ARHGEF19: variants seen among roughly 807,000 people sequenced by gnomAD.
The protein encoded by ARHGEF19 is Rho guanine nucleotide exchange factor (GEF) 19.
In ARHGEF19, 92 loss-of-function variants were observed where a neutral mutation model predicts 87.6. That is an observed-to-expected ratio of 1.05 (90% CI 0.89 to 1.25). ARHGEF19 has a LOEUF of 1.25. Among genes scored for constraint, ARHGEF19 ranks in the 50% most tolerant of loss-of-function variants. The pLI, the probability that ARHGEF19 is intolerant of heterozygous loss-of-function variation, is 0.00. For synonymous variants in ARHGEF19, 438 were observed against 446.2 expected (o/e 0.98, Z 0.23); for missense variants, 1,054 against 1,051.8 (o/e 1.00, Z -0.03).
chr1:16,205,160 T>C lies in ARHGEF19; in HGVS notation c.1673A>G (p.Asn558Ser), dbSNP rs746417210. The C allele has an allele frequency of 9.4e-6, 15 of 1,600,796 alleles. No individual in the cohort carries two copies. The highest frequency in any genetic ancestry group is 2.7e-5 in the African/African-American group (2 of 74,758). ...CCTCTTCATGGACTGTACACTAGCA[T>C]TGCACTCCTGCACCAGCTGGGGGAG... Reference protein sequence around the residue: ...NALKELVQECNASVQSMKRTE... With the variant: ...NALKELVQECSASVQSMKRTE... Residue 558 changes from asparagine to serine, a missense_variant, in exon 11 of 16, where the codon AAT becomes AGT. By Grantham distance (46) the Asn-to-Ser change is conservative (BLOSUM62 1). Coordinates refer to ENST00000270747, the MANE Select transcript of ARHGEF19 (RefSeq NM_153213.5). This position sits in a 1 kb window ranked among gnomAD's most constrained non-coding sequence, Gnocchi z 5.8.
chr1:16,202,615 C>G (rs1176392169), intron 12 of ARHGEF19, 41 bp from the exon 13 acceptor site: 1 of 1,593,294 alleles, frequency 6.3e-7, no homozygotes, highest in Non-Finnish European at 8.6e-7. Flanking sequence ...GGCCTGGGCC[C>G]TGGCTCTAGG....
intron 11 of ARHGEF19, 63 bp from the exon 12 acceptor site, chr1:16,204,982 G>C (rs1210943405): frequency 3.8e-6 from 6 of 1,568,854 alleles, no homozygotes; most frequent in Non-Finnish European, 2.6e-6. Context: ...CAAGATGGTA[G>C]ATGGGAGGGT....
rs2081065277 is a variant in ARHGEF19, at chr1:16,199,238, C to G, written c.2163G>C (p.Gln721His). The G allele has an allele frequency of 6.2e-7, 1 of 1,613,864 alleles. No homozygotes were observed. The highest frequency in any genetic ancestry group is 1.3e-5 in the African/African-American group (1 of 74,882). ...GCAGTGCCTTGTATGTCCTAACACA[C>G]TGAACCTGGGGGCAATCTGACAGCC... ...ISEGEDCPQV[Q>H]CVRTYKALHP... Residue 721 changes from glutamine to histidine, a missense_variant, in exon 15 of 16, where the codon CAG becomes CAC. Physicochemically the swap from Gln to His is conservative, Grantham distance 24 (BLOSUM62 0). Coordinates refer to ENST00000270747, the MANE Select transcript of ARHGEF19 (RefSeq NM_153213.5).
At chr1:16,199,363 G>T in intron 14 of ARHGEF19, 109 bp from the exon 15 acceptor site, 1 of 846,388 alleles carries the variant, frequency 1.2e-6, no homozygotes, top group Non-Finnish European at 2.0e-6. Flanking sequence ...TGGGAAGGTG[G>T]CCATTGAGGC....
Position 16,198,859 on chromosome 1 carries a change from A to G in ARHGEF19, c.2252-115T>C, listed in dbSNP as rs564878021. The G allele has an allele frequency of 2.6e-5, 35 of 1,326,540 alleles. No homozygotes were observed. In the South Asian group the frequency reaches 4.5e-4, roughly 17 times the overall value. The allele number at this position is 1,326,540 out of a possible 1,614,324, so 82.2% of individuals were successfully genotyped here. A position where few individuals can be genotyped will look rare whatever the true frequency, so the allele number is the denominator to read the frequency against. Reference sequence around the variant, plus strand: ...TCTGCACCCTTGGGGCCAAGGTGACATCATCTCAGCATCTCTCAGCTCCAG... The same window carrying G: ...TCTGCACCCTTGGGGCCAAGGTGACGTCATCTCAGCATCTCTCAGCTCCAG... On this transcript the variant is annotated intron_variant, in intron 15 of 15. Coordinates refer to ENST00000270747, the MANE Select transcript of ARHGEF19 (RefSeq NM_153213.5). This position sits in a 1 kb window ranked among gnomAD's most constrained non-coding sequence, Gnocchi z 4.1.
intron 12 of ARHGEF19, among the ~76,000 whole-genome samples, chr1:16,202,840 CT>C (rs1024139804): frequency 2.0e-5 from 3 of 152,106 alleles, no homozygotes; most frequent in African/African-American, 7.2e-5. Context: ...TTCTCTCTCT[CT>C]TTTTTTTGTT....
rs1176890929 is a variant in ARHGEF19, at chr1:16,207,698, T to C, written c.774A>G (p.Arg258=). The change falls in exon 4 of 16, where the codon CGA becomes CGG. Residue 258 remains arginine, a synonymous_variant. Coordinates refer to ENST00000270747, the MANE Select transcript of ARHGEF19 (RefSeq NM_153213.5). The surrounding 1 kb of genome is among the most constrained non-coding windows in gnomAD (Gnocchi z 4.0). The part of the protein sequence containing the change: ...RVSRPAPGDS[R]EGDWSEPRLD... ...ACCTGGGCTCGGACCAATCGCCCTC[T>C]CGTGAGTCACCAGGGGCTGGCCGCG... The C allele has an allele frequency of 1.2e-6, 2 of 1,614,012 alleles. No homozygotes were observed. Among genetic ancestry groups the C allele is most frequent in the Admixed American group, 3.3e-5 (2 of 60,024 alleles).
At position 16,207,753 on chromosome 1, in the gene ARHGEF19, C is replaced by A. The variant is rs777439419; in HGVS notation, c.719G>T (p.Arg240Leu). Residue 240 changes from arginine (R) to leucine (L), a missense_variant, in exon 4 of 16, where the codon CGA (arginine) becomes CTA (leucine). Coordinates refer to ENST00000270747, the MANE Select transcript of ARHGEF19 (RefSeq NM_153213.5). The surrounding 1 kb of genome is among the most constrained non-coding windows in gnomAD (Gnocchi z 4.0). ...REGKASGMEA[R>L]SVEMSGDRVS... is the part of the protein sequence containing the mutation. ...CCGGTCCCCGCTCATCTCTACACTT[C>A]GAGCCTCCATTCCAGATGCTTTCCC... 1.2e-6 allele frequency: 2 copies of A among 1,613,918 alleles called. No homozygotes were observed. The highest frequency in any genetic ancestry group is 3.3e-5 in the Admixed American group (2 of 60,002).
rs754561950 is a variant in ARHGEF19, at chr1:16,208,202, G to T, written c.436C>A (p.Arg146Ser). Residue 146 changes from arginine to serine, a missense_variant, in exon 3 of 16, where the codon CGT (arginine) becomes AGT (serine). Arg to Ser is a moderately radical substitution (Grantham distance 110). Transcript: ENST00000270747. ...TCGGGGCAGCCGGGGACCTCTTCAC[G>T]CTGGTACACCCGCATCTTGCGCCCT... is the stretch of plus-strand genomic sequence containing the variant. The part of the protein sequence containing the change: ...SAWRKMRVYQ[R>S]EEVPGCPEAH... The T allele has an allele frequency of 4.8e-5, 78 of 1,613,000 alleles. No homozygotes were observed. The highest frequency in any genetic ancestry group is 6.5e-5 in the Non-Finnish European group (77 of 1,179,592).
chr1:16,207,816 G>GTGGGCCTGGGGCC lies in ARHGEF19; in HGVS notation c.695-52_695-40dup. The GTGGGCCTGGGGCC allele has an allele frequency of 6.2e-7, 1 of 1,609,874 alleles. No homozygotes were observed. Among genetic ancestry groups the GTGGGCCTGGGGCC allele is most frequent in the Non-Finnish European group, 8.5e-7 (1 of 1,178,598 alleles). ...GAACTGAGGGTGGGGGGTCCAGAGA[G>GTGGGCCTGGGGCC]TGGGCCTGGGGCCTGGGCCCCGGCC... On this transcript the variant is annotated intron_variant, in intron 3 of 15. Coordinates refer to ENST00000270747, the MANE Select transcript of ARHGEF19 (RefSeq NM_153213.5). The surrounding 1 kb of genome is among the most constrained non-coding windows in gnomAD (Gnocchi z 4.0).
At chr1:16,201,991 A>G (rs1459135100) in intron 13 of ARHGEF19, 130 bp from the exon 14 acceptor site, 64 of 597,304 alleles carry the variant, frequency 1.1e-4, no homozygotes, top group Non-Finnish European at 1.6e-4. Context: ...CTAGGGACCC[A>G]TGTCTGCCCC....
Position 16,201,852 on chromosome 1 carries a change from C to T in ARHGEF19, c.2076G>A (p.Lys692=). Residue 692 remains lysine, a synonymous_variant, in exon 14 of 16, where the codon AAG becomes AAA. Transcript: ENST00000270747. ...FLLRARTESE[K]QRWISALCPS... ...GGCACAAGGCTGAGATCCATCGCTGCTTCTCACTTCTAGGGAAGGGGGAGG... is the reference window on the plus strand; with the variant it reads ...GGCACAAGGCTGAGATCCATCGCTGTTTCTCACTTCTAGGGAAGGGGGAGG... 6.2e-7 allele frequency: 1 copy of T among 1,613,804 alleles called. No homozygotes were observed. The highest frequency in any genetic ancestry group is 8.5e-7 in the Non-Finnish European group (1 of 1,179,864).
At position 16,205,570 on chromosome 1, in the gene ARHGEF19, G is replaced by C. The variant is rs2081122218; in HGVS notation, c.1549C>G (p.Gln517Glu). The C allele has an allele frequency of 1.2e-6, 2 of 1,613,902 alleles. No individual in the cohort carries two copies. Among genetic ancestry groups the C allele is most frequent in the Non-Finnish European group, 1.7e-6 (2 of 1,179,966 alleles). Reference protein sequence around the residue: ...PLTSFLILPFQRITRLKMLVE... With the variant: ...PLTSFLILPFERITRLKMLVE... Reference sequence around the variant, plus strand: ...AACATCTTGAGGCGGGTGATCCTCTGGAAGGGCAGGATAAGGAAGGAGGTA... The same window carrying C: ...AACATCTTGAGGCGGGTGATCCTCTCGAAGGGCAGGATAAGGAAGGAGGTA... The change falls in exon 9 of 16, where the codon CAG becomes GAG. Residue 517 changes from glutamine to glutamate, a missense_variant. Physicochemically the swap from Gln to Glu is conservative, Grantham distance 29. Transcript: ENST00000270747. This position sits in a 1 kb window ranked among gnomAD's most constrained non-coding sequence, Gnocchi z 5.8.
Position 16,207,702 on chromosome 1 carries a change from G to A in ARHGEF19, c.770C>T (p.Ser257Leu), listed in dbSNP as rs750642881. The change falls in exon 4 of 16, where the codon TCA becomes TTA. Residue 257 changes from serine (S) to leucine (L), a missense_variant. Coordinates refer to ENST00000270747, the MANE Select transcript of ARHGEF19 (RefSeq NM_153213.5). This position sits in a 1 kb window ranked among gnomAD's most constrained non-coding sequence, Gnocchi z 4.0. ...GGGCTCGGACCAATCGCCCTCTCGT[G>A]AGTCACCAGGGGCTGGCCGCGACAC... is the stretch of plus-strand genomic sequence containing the variant. ...DRVSRPAPGD[S>L]REGDWSEPRL... The A allele has an allele frequency of 1.2e-6, 2 of 1,614,032 alleles. No homozygotes were observed. Among genetic ancestry groups the A allele is most frequent in the Non-Finnish European group, 1.7e-6 (2 of 1,180,020 alleles).
Position 16,206,727 on chromosome 1 carries a change from A to C in ARHGEF19, c.1137+221T>G. Among the ~76,000 whole-genome samples the C allele has an allele frequency of 6.8e-6, 1 of 148,018 alleles. No individual in the cohort carries two copies. Among genetic ancestry groups the C allele is most frequent in the Non-Finnish European group, 1.5e-5 (1 of 66,994 alleles). On this transcript the variant is annotated intron_variant, in intron 6 of 15. Transcript: ENST00000270747. The surrounding 1 kb of genome is among the most constrained non-coding windows in gnomAD (Gnocchi z 4.6). Reference sequence around the variant, plus strand: ...CCCGCTGGCTCCGCCCCCTACCCGCACCCAAGCCCGGCTCCCCTCGCCTCT... The same window carrying C: ...CCCGCTGGCTCCGCCCCCTACCCGCCCCCAAGCCCGGCTCCCCTCGCCTCT...
At chr1:16,204,695 A>G in intron 12 of ARHGEF19, 64 bp downstream of exon 12, 1 of 1,506,036 alleles carries the variant, frequency 6.6e-7, no homozygotes, top group Non-Finnish European at 8.9e-7. Context: ...TCATAAGCCC[A>G]GTGGTGGGGA....
At chr1:16,199,082 T>G in intron 15 of ARHGEF19, 68 bp downstream of exon 15, 1 of 1,472,012 alleles carries the variant, frequency 6.8e-7, no homozygotes, top group South Asian at 1.1e-5. Context: ...CTGTGATATC[T>G]TAGTCATCTA....
Position 16,198,414 on chromosome 1 carries a change from G to T in ARHGEF19, c.*173C>A. 2 of 668,820 alleles carry T rather than the reference G, an allele frequency of 3.0e-6. No homozygotes were observed. The highest frequency in any genetic ancestry group is 2.3e-6 in the Non-Finnish European group (1 of 428,450). 41.4% of individuals were successfully genotyped at this position (668,820 alleles called of 1,614,324 possible). On this transcript the variant is annotated 3_prime_UTR_variant, in exon 16 of 16. Coordinates refer to ENST00000270747, the MANE Select transcript of ARHGEF19 (RefSeq NM_153213.5). This position sits in a 1 kb window ranked among gnomAD's most constrained non-coding sequence, Gnocchi z 4.1. ...TGTGGACACTGAGGAGCATGAGGACGGAGAGACCCTCTGGAGGCGCCCCCA... is the reference window on the plus strand; with the variant it reads ...TGTGGACACTGAGGAGCATGAGGACTGAGAGACCCTCTGGAGGCGCCCCCA...
intron 13 of ARHGEF19, among the ~76,000 whole-genome samples, 195 bp from the exon 14 acceptor site, chr1:16,202,056 GAGC>G: frequency 6.9e-6 from 1 of 145,156 alleles, no homozygotes; most frequent in Middle Eastern, 3.2e-3. Context: ...ACCCAGCTCT[GAGC>G]ATAACAGGCC....
Sources: gnomAD v4.1 joint callset for allele counts (sites outside exome capture counted in the v4.1 genomes callset) on GRCh38, gnomAD v4.1.1 for gene constraint, Gnocchi (gnomAD v3.1) non-coding constraint, MANE v1.5 for transcripts, NCBI Gene and HGNC (gene_info 2026-07-23, HGNC 2026-07-21) for gene names.